Variants in ARFGAP3 observed in about 807,000 individuals in gnomAD.
ARFGAP3 encodes ARF GTPase activating protein 3.
Under a neutral mutation model 75.0 loss-of-function variants are expected in ARFGAP3, and 72 were observed. That is an observed-to-expected ratio of 0.96 (90% CI 0.79 to 1.17). The LOEUF is 1.17. Among genes scored for constraint, ARFGAP3 ranks in the 50% most tolerant of loss-of-function variants. The pLI is 0.00. For missense variants in ARFGAP3, 620 were observed against 626.6 expected (o/e 0.99, Z 0.11); for synonymous variants, 221 against 217.9 (o/e 1.01, Z -0.13).
At chr22:42,846,685 G>C (rs778328177) in intron 2 of ARFGAP3, among the ~76,000 whole-genome samples, 13 of 152,298 alleles carry the variant, frequency 8.5e-5, no homozygotes, top group Non-Finnish European at 1.5e-4. Context: ...ATAAGATTAC[G>C]GTGGAAGTGA....
chr22:42,808,915 G>C (rs1925246045), intron 12 of ARFGAP3, 25 bp from the exon 13 acceptor site: 1 of 1,564,384 alleles, frequency 6.4e-7, no homozygotes, highest in East Asian at 2.3e-5. Flanking sequence ...AGCCAAATTA[G>C]GTTAAACTAA....
intron 12 of ARFGAP3, 116 bp from the exon 13 acceptor site, chr22:42,809,006 G>A: frequency 8.1e-7 from 1 of 1,242,200 alleles, no homozygotes; most frequent in Non-Finnish European, 1.0e-6. Flanking sequence ...AAGGATTTTA[G>A]GCTGTTTTTA....
intron 2 of ARFGAP3, among the ~76,000 whole-genome samples, chr22:42,846,489 G>C (rs979836028): frequency 3.9e-5 from 6 of 152,202 alleles, no homozygotes; most frequent in Non-Finnish European, 8.8e-5. Flanking sequence ...GATGCAAAAG[G>C]CCCCATATGG....
At position 42,797,387 on chromosome 22, in the gene ARFGAP3, G is replaced by A. The variant is rs545456552; in HGVS notation, c.*201C>T. On this transcript the variant is annotated 3_prime_UTR_variant, in exon 16 of 16. Transcript: ENST00000263245. Reference sequence around the variant, plus strand: ...AAAGGAGGGTGTGACAGGAAGGAACGTGAAACAGAAATCACAGGAAAGCTC... The same window carrying A: ...AAAGGAGGGTGTGACAGGAAGGAACATGAAACAGAAATCACAGGAAAGCTC... The A allele has an allele frequency of 2.0e-4, 129 of 650,462 alleles. No individual in the cohort carries two copies. Among genetic ancestry groups the A allele is most frequent in the Non-Finnish European group, 2.8e-4 (106 of 381,176 alleles). 40.3% of individuals were successfully genotyped at this position (650,462 alleles called of 1,614,324 possible). A position where few individuals can be genotyped will look rare whatever the true frequency, so the allele number is the denominator to read the frequency against.
intron 1 of ARFGAP3, among the ~76,000 whole-genome samples, chr22:42,850,213 C>T (rs1055694106): frequency 6.6e-6 from 1 of 151,716 alleles, no homozygotes; most frequent in Non-Finnish European, 1.5e-5. Context: ...CATTAAACTC[C>T]GAATAGGGAA....
chr22:42,826,842 C>G (rs77489677), intron 7 of ARFGAP3, 98 bp downstream of exon 7: 3 of 880,740 alleles, frequency 3.4e-6, no homozygotes, highest in East Asian at 2.6e-5. Flanking sequence ...TTATATTACT[C>G]CGTCAGGTGA....
intron 1 of ARFGAP3, among the ~76,000 whole-genome samples, chr22:42,848,937 ACTCTCTTTTTCTCTCTCCCCCT>A (rs763640336): frequency 1.3e-5 from 2 of 150,830 alleles, no homozygotes; most frequent in African/African-American, 2.4e-5. Context: ...TGTCTCCCCC[ACTCTCTTTTTCTCTCTCCCCCT>A]CTCTCCCTCC....
At chr22:42,855,062 A>G (rs1927438245) in intron 1 of ARFGAP3, among the ~76,000 whole-genome samples, 1 of 152,194 alleles carries the variant, frequency 6.6e-6, no homozygotes, top group African/African-American at 2.4e-5. Flanking sequence ...TATTCCATTT[A>G]ATCTTCACAA....
At chr22:42,835,573 GC>G in intron 3 of ARFGAP3, 80 bp from the exon 4 acceptor site, 1 of 1,542,344 alleles carries the variant, frequency 6.5e-7, no homozygotes, top group Non-Finnish European at 8.8e-7. Flanking sequence ...TGTAATCCCA[GC>G]ACTCTGGGAG....
intron 2 of ARFGAP3, 170 bp from the exon 3 acceptor site, chr22:42,841,186 T>G (rs1192894688): frequency 7.0e-6 from 6 of 853,718 alleles, no homozygotes; most frequent in Non-Finnish European, 8.5e-6. Context: ...TGGATGATGG[T>G]TGGCGTGAGC....
chr22:42,849,238 G>A (rs1017592953), intron 1 of ARFGAP3, among the ~76,000 whole-genome samples: 2 of 152,244 alleles, frequency 1.3e-5, no homozygotes, highest in Admixed American at 6.5e-5. Context: ...ACTATCTGTT[G>A]TTTTATGATG....
intron 1 of ARFGAP3, among the ~76,000 whole-genome samples, chr22:42,849,524 A>C (rs1221197059): frequency 7.0e-6 from 1 of 143,828 alleles, no homozygotes; most frequent in African/African-American, 2.6e-5. Context: ...CCTAGGCTGG[A>C]GTGCAGTGGC....
intron 11 of ARFGAP3, among the ~76,000 whole-genome samples, chr22:42,816,745 G>A (rs569296720): frequency 6.6e-6 from 1 of 152,250 alleles, no homozygotes; most frequent in Admixed American, 6.5e-5. Flanking sequence ...TGTACCAACT[G>A]GAGTTTTCTG....
At chr22:42,811,706 G>C (rs537886968) in intron 11 of ARFGAP3, among the ~76,000 whole-genome samples, 7 of 152,208 alleles carry the variant, frequency 4.6e-5, no homozygotes, top group Non-Finnish European at 1.0e-4. Context: ...CTTCAGATCA[G>C]TTTACACTTT....
At chr22:42,842,695 C>T (rs1926839720) in intron 2 of ARFGAP3, among the ~76,000 whole-genome samples, 1 of 152,220 alleles carries the variant, frequency 6.6e-6, no homozygotes, top group African/African-American at 2.4e-5. Flanking sequence ...GCAATCCCCT[C>T]ATCTCAGCCT....
intron 9 of ARFGAP3, among the ~76,000 whole-genome samples, chr22:42,821,437 G>A (rs547784920): frequency 1.1e-4 from 16 of 152,182 alleles, no homozygotes; most frequent in Middle Eastern, 3.4e-3. Context: ...CTGTCTCTAC[G>A]GATTTGCCTA....
At chr22:42,843,966 ATAAAT>A (rs1212659014) in intron 2 of ARFGAP3, among the ~76,000 whole-genome samples, 1 of 152,160 alleles carries the variant, frequency 6.6e-6, no homozygotes, top group Non-Finnish European at 1.5e-5. Context: ...GCCATAACTT[ATAAAT>A]TATTTTTCCT....
At position 42,802,452 on chromosome 22, in the gene ARFGAP3, AT is replaced by A. The variant is rs879772562; in HGVS notation, c.1412-3293del. Among the ~76,000 whole-genome samples the A allele has an allele frequency of 6.0e-3, 829 of 139,122 alleles. 1 individual carries two copies. Among genetic ancestry groups the A allele is most frequent in the African/African-American group, 0.015 (580 of 37,838 alleles). 91.3% of individuals were successfully genotyped at this position (139,122 alleles called of 152,430 possible). ...AGGTGCCCGCCACCACGCCCAGATA[AT>A]TTTTTTTTTTTTGTATTTTTTAGTA... On this transcript the variant is annotated intron_variant, in intron 14 of 15. Coordinates refer to ENST00000263245, the MANE Select transcript of ARFGAP3 (RefSeq NM_014570.5).
chr22:42,847,713 T>C, intron 1 of ARFGAP3, 81 bp from the exon 2 acceptor site: 1 of 1,509,440 alleles, frequency 6.6e-7, no homozygotes. Flanking sequence ...ATGACTTAGC[T>C]TGAAAACTGT....
Sources: allele counts gnomAD v4.1 joint callset (sites outside exome capture counted in the v4.1 genomes callset), GRCh38; gene constraint gnomAD v4.1.1; transcripts MANE v1.5; gene names NCBI Gene and HGNC (gene_info 2026-07-23, HGNC 2026-07-21).